Variants in RASGEF1C observed in about 807,000 individuals in gnomAD.
RASGEF1C encodes ras-GEF domain-containing family member 1C.
Under a neutral mutation model 58.1 loss-of-function variants are expected in RASGEF1C, and 27 were observed. The ratio of observed to expected loss-of-function variants is 0.46; its 90% confidence interval spans 0.34 to 0.64. The LOEUF (loss-of-function observed/expected upper bound fraction) is 0.64. Among genes scored for constraint, RASGEF1C ranks in the 30% least tolerant of loss-of-function variants. The pLI is 0.01. For synonymous variants in RASGEF1C, 243 were observed against 246.3 expected (o/e 0.99, Z 0.13); for missense variants, 502 against 605.1 (o/e 0.83, Z 1.79).
In RASGEF1C at chr5:180,204,642, CTAT is replaced by C. The variant is rs1354580359; in HGVS notation, c.-7+4383_-7+4385del. ...TCTATCTATCTATCTATCTATCTAT[CTAT>C]CTATCTATCTATCTCATCTATCTAT... is the stretch of plus-strand genomic sequence containing the variant. On this transcript the variant is annotated intron_variant, in intron 1 of 13. Coordinates refer to ENST00000361132, the MANE Select transcript of RASGEF1C (RefSeq NM_175062.4). Among the ~76,000 whole-genome samples, 84 of 152,108 alleles carry C rather than the reference CTAT, an allele frequency of 5.5e-4. No homozygotes were observed. In the East Asian group the frequency reaches 0.015, roughly 28 times the overall value.
At chr5:180,171,902 C>T (rs1767113698) in intron 1 of RASGEF1C, among the ~76,000 whole-genome samples, 1 of 152,160 alleles carries the variant, frequency 6.6e-6, no homozygotes, top group South Asian at 2.1e-4. Context: ...GGCTGTGGGG[C>T]GGGCCCCTCA....
At chr5:180,135,656 T>A (rs1766459167) in intron 4 of RASGEF1C, among the ~76,000 whole-genome samples, 1 of 152,212 alleles carries the variant, frequency 6.6e-6, no homozygotes, top group Admixed American at 6.5e-5. Flanking sequence ...GACCCTTCAG[T>A]GTTCTCCTCA....
At chr5:180,165,103 A>G (rs1031284037) in intron 1 of RASGEF1C, among the ~76,000 whole-genome samples, 1 of 151,804 alleles carries the variant, frequency 6.6e-6, no homozygotes, top group Non-Finnish European at 1.5e-5. Context: ...TTTGATTACT[A>G]TTTTCCTGAT....
At chr5:180,147,159 C>T (rs2113287644) in intron 1 of RASGEF1C, among the ~76,000 whole-genome samples, 1 of 152,026 alleles carries the variant, frequency 6.6e-6, no homozygotes, top group African/African-American at 2.4e-5. Flanking sequence ...TATCCCTACT[C>T]TCATTTCTGA....
At chr5:180,136,989 C>T (rs891933142) in intron 3 of RASGEF1C, among the ~76,000 whole-genome samples, 25 of 152,172 alleles carry the variant, frequency 1.6e-4, no homozygotes, top group Non-Finnish European at 2.4e-4. Flanking sequence ...GTAGGTGAGC[C>T]TGGTGCGGTG....
At chr5:180,165,538 G>A (rs570840051) in intron 1 of RASGEF1C, among the ~76,000 whole-genome samples, 27 of 151,592 alleles carry the variant, frequency 1.8e-4, no homozygotes, top group South Asian at 1.0e-3. Flanking sequence ...AGGCATTGTG[G>A]CATGGGCCTG....
At position 180,198,959 on chromosome 5, in the gene RASGEF1C, T is replaced by G. The variant is rs2127563927; in HGVS notation, c.-7+10069A>C. On this transcript the variant is annotated intron_variant, in intron 1 of 13. Transcript: ENST00000361132. The surrounding 1 kb of genome is among the most constrained non-coding windows in gnomAD (Gnocchi z 4.5). The stretch of plus-strand genomic sequence containing the variant: ...GTAGGAGAAAGCCCCCAGGAAGGAC[T>G]CCCAGAGGGTAGAAGGGAAACTGAG... Among the ~76,000 whole-genome samples the G allele has an allele frequency of 6.6e-6, 1 of 151,992 alleles. No homozygotes were observed. The highest frequency in any genetic ancestry group is 1.5e-5 in the Non-Finnish European group (1 of 67,960).
chr5:180,141,872 G>T (rs943353546), intron 1 of RASGEF1C, among the ~76,000 whole-genome samples: 2 of 151,978 alleles, frequency 1.3e-5, no homozygotes, highest in African/African-American at 2.4e-5. Flanking sequence ...ACCACACTCA[G>T]CTAATTTTTG....
Position 180,121,055 on chromosome 5 carries a change from C to T in RASGEF1C, c.804+5G>A, listed in dbSNP as rs1352948498. On this transcript the variant is annotated splice_donor_5th_base_variant and intron_variant, in intron 7 of 13. Coordinates refer to ENST00000361132, the MANE Select transcript of RASGEF1C (RefSeq NM_175062.4). Reference sequence around the variant, plus strand: ...AGGTGGTGCCCACCCTGGCTGTCTACTCACCATGCAGATCTCAGTTGCCAC... The same window carrying T: ...AGGTGGTGCCCACCCTGGCTGTCTATTCACCATGCAGATCTCAGTTGCCAC... 1.2e-6 allele frequency: 2 copies of T among 1,611,352 alleles called. No homozygotes were observed. The highest frequency in any genetic ancestry group is 1.7e-6 in the Non-Finnish European group (2 of 1,177,440).
intron 10 of RASGEF1C, chr5:180,115,397 T>C: frequency 5.6e-6 from 2 of 358,494 alleles, no homozygotes; most frequent in Non-Finnish European, 1.1e-5. Context: ...CTTGCTCCAC[T>C]GCCTGAAGGA....
chr5:180,111,716 A>C (rs1765962789), intron 11 of RASGEF1C, 136 bp from the exon 12 acceptor site: 1 of 891,890 alleles, frequency 1.1e-6, no homozygotes, highest in Admixed American at 2.2e-5. Context: ...AGGGGGCGAT[A>C]AATGAGGGCG....
chr5:180,103,236 C>G (rs1238978423), intron 12 of RASGEF1C, among the ~76,000 whole-genome samples: 2 of 152,154 alleles, frequency 1.3e-5, no homozygotes, highest in Non-Finnish European at 2.9e-5. Context: ...CACCACCACG[C>G]CCGGCTAATG....
intron 5 of RASGEF1C, among the ~76,000 whole-genome samples, chr5:180,128,074 C>T (rs1434719498): frequency 6.6e-6 from 1 of 152,232 alleles, no homozygotes; most frequent in African/African-American, 2.4e-5. Context: ...CAAGTCGCTT[C>T]ACCTTTCTGG....
At chr5:180,121,681 A>ACACACACACACC (rs71892414) in intron 6 of RASGEF1C, among the ~76,000 whole-genome samples, 23 of 73,462 alleles carry the variant, frequency 3.1e-4, no homozygotes, top group Admixed American at 7.2e-4. Context: ...ACACACACAC[A>ACACACACACACC]CCCTCATTAT....
chr5:180,110,662 T>C (rs1424932927), intron 12 of RASGEF1C, among the ~76,000 whole-genome samples: 2 of 152,094 alleles, frequency 1.3e-5, no homozygotes, highest in African/African-American at 4.8e-5. Context: ...CAAATGATCA[T>C]ATGGAAATGC....
intron 1 of RASGEF1C, among the ~76,000 whole-genome samples, chr5:180,182,474 C>T (rs550021339): frequency 3.6e-4 from 55 of 152,264 alleles, no homozygotes; most frequent in African/African-American, 1.1e-3. Flanking sequence ...AGCAGGTTGC[C>T]GCTGTTGGCT....
At chr5:180,119,232 C>T in intron 8 of RASGEF1C, 114 bp downstream of exon 8, 3 of 914,290 alleles carry the variant, frequency 3.3e-6, no homozygotes, top group Middle Eastern at 2.8e-4. Context: ...GGCCCACGCC[C>T]TCCCGCTGCT....
At chr5:180,169,768 C>A (rs55875824) in intron 1 of RASGEF1C, among the ~76,000 whole-genome samples, 12 of 150,688 alleles carry the variant, frequency 8.0e-5, no homozygotes, top group African/African-American at 2.9e-4. Flanking sequence ...TAGCCCCATG[C>A]GCACCCCCCA....
In RASGEF1C at chr5:180,149,090, T is replaced by A. The variant is rs1217458241; in HGVS notation, c.-6-11032A>T. The stretch of plus-strand genomic sequence containing the variant: ...TACTTTTTCTTTTCTTTTTTTTTCT[T>A]TTTTTTTTTTTTTTTTGAGACAGAG... On this transcript the variant is annotated intron_variant, in intron 1 of 13. Coordinates refer to ENST00000361132, the MANE Select transcript of RASGEF1C (RefSeq NM_175062.4). Among the ~76,000 whole-genome samples the A allele has an allele frequency of 1.7e-3, 7 of 4,240 alleles. No individual in the cohort carries two copies. In the Non-Finnish European group the frequency reaches 0.02, roughly 12 times the overall value. 2.8% of individuals were successfully genotyped at this position (4,240 alleles called of 152,430 possible).
Sources: gnomAD v4.1 joint callset for allele counts (sites outside exome capture counted in the v4.1 genomes callset) on GRCh38, gnomAD v4.1.1 for gene constraint, Gnocchi (gnomAD v3.1) non-coding constraint, MANE v1.5 for transcripts, NCBI Gene and HGNC (gene_info 2026-07-23, HGNC 2026-07-21) for gene names.